The following APC variants were observed in gnomAD, a reference collection of about 807,000 sequenced individuals.
APC encodes APC regulator of Wnt signaling pathway.
APC carries 72 observed loss-of-function variants against 247.0 expected under a neutral mutation model. The observed-to-expected ratio is 0.29, with a 90% CI of 0.24 to 0.35. The LOEUF is 0.35. Among genes scored for constraint, APC ranks in the 10% least tolerant of loss-of-function variants. APC has a pLI of 1.00. For missense variants in APC, 3,400 were observed against 3,360.7 expected, an observed-to-expected ratio of 1.01 and a Z score of -0.29; for synonymous variants, 1,254 against 1,162.5, an observed-to-expected ratio of 1.08 and a Z score of -1.60.
upstream of APC, among the ~76,000 whole-genome samples, chr5:112,733,295 A>G (rs747324356): frequency 4.6e-5 from 7 of 152,236 alleles, no homozygotes; most frequent in Non-Finnish European, 8.8e-5. Context: ...ATGTTAGGTT[A>G]TGTGACAAAA....
At chr5:112,707,941 C>G (rs960886701) in intron 1 of APC, 1 of 1,298,828 alleles carries the variant, frequency 7.7e-7, no homozygotes, top group Non-Finnish European at 1.0e-6. Flanking sequence ...GGCTTTGCCC[C>G]GCCGCTGCTC....
In APC at chr5:112,837,115, A is replaced by G. The variant is rs1219971895; in HGVS notation, c.1959-438A>G. ...CTTATAATGTGCACTGACTGCAGAAAAATCTTCAATCAATTCTATCTACCT... is the reference window on the plus strand; with the variant it reads ...CTTATAATGTGCACTGACTGCAGAAGAATCTTCAATCAATTCTATCTACCT... On this transcript the variant is annotated intron_variant, in intron 15 of 15. Transcript: ENST00000257430. Among the ~76,000 whole-genome samples, 3 of 152,228 alleles carry G rather than the reference A, an allele frequency of 2.0e-5. No individual in the cohort carries two copies. The East Asian group carries it at 5.8e-4, about 29-fold the overall frequency.
At chr5:112,714,787 T>C (rs978202505) in intron 1 of APC, among the ~76,000 whole-genome samples, 1 of 152,220 alleles carries the variant, frequency 6.6e-6, no homozygotes, top group Non-Finnish European at 1.5e-5. Flanking sequence ...TATATCACAC[T>C]CTATGGGTAT....
At position 112,828,860 on chromosome 5, in the gene APC, T is replaced by C. The variant is rs144056494; in HGVS notation, c.1631T>C (p.Ile544Thr). The change falls in exon 14 of 16, where the codon ATT (isoleucine) becomes ACT (threonine). Residue 544 changes from isoleucine to threonine, a missense_variant. Physicochemically the swap from Ile to Thr is moderately conservative, Grantham distance 89 (BLOSUM62 -1). Transcript: ENST00000257430. ...KSESEDLQQVIASVLRNLSWR... is the reference protein window; with the variant it reads ...KSESEDLQQVTASVLRNLSWR... The stretch of plus-strand genomic sequence containing the variant: ...CTAAAATTGATTAATTTGCAGGTTA[T>C]TGCGAGTGTTTTGAGGAATTTGTCT... The C allele has an allele frequency of 2.3e-4, 375 of 1,605,270 alleles. No homozygotes were observed. Among genetic ancestry groups the C allele is most frequent in the Non-Finnish European group, 3.0e-4 (357 of 1,172,130 alleles).
intron 6 of APC, among the ~76,000 whole-genome samples, chr5:112,785,047 G>A (rs960500398): frequency 1.3e-5 from 2 of 152,076 alleles, no homozygotes; most frequent in African/African-American, 4.8e-5. Flanking sequence ...CTGGGTGACC[G>A]AGCAAGACCC....
At chr5:112,741,853 C>G (rs372694039) in intron 1 of APC, among the ~76,000 whole-genome samples, 3 of 152,104 alleles carry the variant, frequency 2.0e-5, no homozygotes, top group Non-Finnish European at 2.9e-5. Flanking sequence ...CTGGGAACCT[C>G]TAATAAGAAA....
At chr5:112,733,575 G>A (rs904462595), upstream of APC, among the ~76,000 whole-genome samples, 3 of 152,188 alleles carry the variant, frequency 2.0e-5, no homozygotes, top group Non-Finnish European at 4.4e-5. Context: ...GAAAGGATAA[G>A]GAAACAGATT....
intron 5 of APC, among the ~76,000 whole-genome samples, chr5:112,775,977 T>C (rs557651392): frequency 6.6e-6 from 1 of 152,308 alleles, no homozygotes; most frequent in South Asian, 2.1e-4. Flanking sequence ...ATCTATAAAG[T>C]TTGAATTCTA....
chr5:112,738,827 T>C (rs766994132), intron 1 of APC, among the ~76,000 whole-genome samples: 1 of 152,248 alleles, frequency 6.6e-6, no homozygotes, highest in African/African-American at 2.4e-5. Flanking sequence ...TTGGAATGTA[T>C]TGGACACTTT....
chr5:112,822,462 G>T (rs1214256112), intron 11 of APC, among the ~76,000 whole-genome samples: 1 of 152,152 alleles, frequency 6.6e-6, no homozygotes, highest in East Asian at 1.9e-4. Flanking sequence ...TTCATCATAA[G>T]CAGCCTGGTA....
At chr5:112,756,572 A>G (rs1246741500) in intron 2 of APC, among the ~76,000 whole-genome samples, 1 of 152,016 alleles carries the variant, frequency 6.6e-6, no homozygotes, top group Middle Eastern at 3.2e-3. Context: ...TTCGCAGAGA[A>G]CTCCTCCTGG....
At chr5:112,777,189 T>C (rs942418208) in intron 5 of APC, among the ~76,000 whole-genome samples, 1 of 152,162 alleles carries the variant, frequency 6.6e-6, no homozygotes, top group Admixed American at 6.6e-5. Context: ...TTCAGAAACA[T>C]TGGATTACCT....
At chr5:112,761,196 T>G (rs535994456) in intron 2 of APC, among the ~76,000 whole-genome samples, 2 of 152,156 alleles carry the variant, frequency 1.3e-5, no homozygotes, top group African/African-American at 2.4e-5. Flanking sequence ...GAAAATACTA[T>G]CAATCATCTT....
intron 1 of APC, among the ~76,000 whole-genome samples, chr5:112,718,936 T>C (rs1050937207): frequency 6.6e-6 from 1 of 152,242 alleles, no homozygotes; most frequent in Non-Finnish European, 1.5e-5. Context: ...TGGTTGCCTT[T>C]TAATTCCTTT....
intron 8 of APC, among the ~76,000 whole-genome samples, chr5:112,815,226 ACTACC>A (rs1419819786): frequency 6.6e-6 from 1 of 152,218 alleles, no homozygotes; most frequent in Non-Finnish European, 1.5e-5. Flanking sequence ...ATGAAAAATT[ACTACC>A]CTAGAATTTC....
At position 112,772,114 on chromosome 5, in the gene APC, A is replaced by G. The variant is rs987070900; in HGVS notation, c.423-3515A>G. On this transcript the variant is annotated intron_variant, in intron 4 of 15. Coordinates refer to ENST00000257430, the MANE Select transcript of APC (RefSeq NM_000038.6). ...CAAATATTTATTGAATGCTAATACA[A>G]ATGTGCCATGCTCTTCTAGGTGACC... Among the ~76,000 whole-genome samples the G allele has an allele frequency of 2.0e-5, 3 of 152,226 alleles. No homozygotes were observed. In the South Asian group the frequency reaches 6.2e-4, roughly 31 times the overall value.
chr5:112,800,585 A>T (rs1477421243), intron 7 of APC, among the ~76,000 whole-genome samples: 3 of 152,116 alleles, frequency 2.0e-5, no homozygotes, highest in African/African-American at 2.4e-5. Context: ...ACAAGCATAT[A>T]GGTGTTTCTA....
chr5:112,737,913 A>T lies in APC; in HGVS notation c.-31A>T. On this transcript the variant is annotated 5_prime_UTR_variant, in exon 1 of 16. Transcript: ENST00000257430. ...GGAGACAGAATGGAGGTGCTGCCGGACTCGGAAATGGGGTAGGTGCTGGAG... is the reference window on the plus strand; with the variant it reads ...GGAGACAGAATGGAGGTGCTGCCGGTCTCGGAAATGGGGTAGGTGCTGGAG... 2.0e-6 allele frequency: 2 copies of T among 985,392 alleles called. No individual in the cohort carries two copies. The highest frequency in any genetic ancestry group is 2.4e-6 in the Non-Finnish European group (2 of 830,108). 61.0% of individuals were successfully genotyped at this position (985,392 alleles called of 1,614,324 possible).
intron 1 of APC, among the ~76,000 whole-genome samples, chr5:112,720,819 TC>T (rs2149656072): frequency 6.6e-6 from 1 of 152,274 alleles, no homozygotes; most frequent in African/African-American, 2.4e-5. Context: ...TAGCTGGTTT[TC>T]CCCCTTTCCT....
Sources: gnomAD v4.1 joint callset for allele counts (sites outside exome capture counted in the v4.1 genomes callset) on GRCh38, gnomAD v4.1.1 for gene constraint, MANE v1.5 for transcripts, NCBI Gene and HGNC (gene_info 2026-07-23, HGNC 2026-07-21) for gene names.